Variants in MKLN1 observed in about 807,000 individuals in gnomAD.
The protein encoded by MKLN1 is muskelin.
A neutral mutation model predicts 99.0 loss-of-function variants in MKLN1; 18 were observed. The ratio of observed to expected loss-of-function variants is 0.18; its 90% CI spans 0.13 to 0.27. The LOEUF (loss-of-function observed/expected upper bound fraction) is 0.27. Ranked by LOEUF, MKLN1 falls within the 10% of genes least tolerant of loss-of-function variation. MKLN1 has a pLI of 1.00. For synonymous variants in MKLN1, 288 were observed against 293.2 expected, an observed-to-expected ratio of 0.98 and a Z score of 0.18; for missense variants, 621 against 875.9, an observed-to-expected ratio of 0.71 and a Z score of 3.67.
chr7:131,243,735 C>T (rs1797442297), intron 3 of MKLN1, among the ~76,000 whole-genome samples: 1 of 152,050 alleles, frequency 6.6e-6, no homozygotes, highest in African/African-American at 2.4e-5. Context: ...TATGTCAGGC[C>T]CTGCGAGGTA....
At chr7:131,304,093 A>T (rs992477358) in intron 3 of MKLN1, among the ~76,000 whole-genome samples, 1 of 152,174 alleles carries the variant, frequency 6.6e-6, no homozygotes, top group African/African-American at 2.4e-5. Flanking sequence ...CATTAGGAAG[A>T]CCAGGCACAG....
chr7:131,246,006 T>G (rs764169167), intron 3 of MKLN1, among the ~76,000 whole-genome samples: 1 of 152,218 alleles, frequency 6.6e-6, no homozygotes, highest in Non-Finnish European at 1.5e-5. Flanking sequence ...CCAGGTGCCC[T>G]AGGGCCGCAC....
At chr7:131,148,863 G>A (rs1278257860) in intron 2 of MKLN1, among the ~76,000 whole-genome samples, 2 of 152,208 alleles carry the variant, frequency 1.3e-5, no homozygotes, top group Admixed American at 6.5e-5. Context: ...GCGAATCTGA[G>A]AAAGAATTGG....
intron 2 of MKLN1, among the ~76,000 whole-genome samples, chr7:131,168,988 C>G (rs370524256): frequency 5.3e-5 from 8 of 152,072 alleles, no homozygotes; most frequent in East Asian, 3.9e-4. Flanking sequence ...GTGCCTTAAC[C>G]TCCCCAGTAG....
chr7:131,205,536 G>T (rs1345275058), intron 3 of MKLN1, among the ~76,000 whole-genome samples: 1 of 152,134 alleles, frequency 6.6e-6, no homozygotes, highest in Non-Finnish European at 1.5e-5. Context: ...AGGTTTTGCA[G>T]TTCTATAGGT....
At chr7:131,450,693 C>G (rs1036984205) in intron 12 of MKLN1, among the ~76,000 whole-genome samples, 1 of 152,212 alleles carries the variant, frequency 6.6e-6, no homozygotes, top group South Asian at 2.1e-4. Context: ...ACCTGAATCA[C>G]TTTCCTCTCC....
At chr7:131,223,881 C>G (rs988295682) in intron 3 of MKLN1, among the ~76,000 whole-genome samples, 2 of 152,122 alleles carry the variant, frequency 1.3e-5, no homozygotes, top group Non-Finnish European at 2.9e-5. Flanking sequence ...ATTCTCCTGA[C>G]TCAGCCTCCT....
intron 1 of MKLN1, among the ~76,000 whole-genome samples, chr7:131,129,844 G>A (rs1563224901): frequency 6.6e-6 from 1 of 152,164 alleles, no homozygotes. Context: ...CCAAAGTGCT[G>A]AGATTACAGG....
At chr7:131,352,570 T>G (rs958679667) in intron 1 of MKLN1, among the ~76,000 whole-genome samples, 3 of 152,166 alleles carry the variant, frequency 2.0e-5, no homozygotes, top group African/African-American at 7.2e-5. Flanking sequence ...ATATAATTGC[T>G]TTGGGCCCTA....
At chr7:131,199,890 G>T (rs1343377743) in intron 2 of MKLN1, among the ~76,000 whole-genome samples, 1 of 152,046 alleles carries the variant, frequency 6.6e-6, no homozygotes, top group Non-Finnish European at 1.5e-5. Context: ...AGGAGACGGG[G>T]CTTTGCTGTG....
intron 15 of MKLN1, among the ~76,000 whole-genome samples, chr7:131,470,152 C>T (rs1050500532): frequency 6.6e-6 from 1 of 152,294 alleles, no homozygotes; most frequent in Middle Eastern, 3.4e-3. Flanking sequence ...CAGGCATGAG[C>T]CACAGCACCC....
chr7:131,310,674 A>G (rs1321604479), intron 3 of MKLN1: 1 of 152,232 alleles, frequency 6.6e-6, no homozygotes, highest in African/African-American at 2.4e-5. Flanking sequence ...AATTGCCTCT[A>G]TAGAGTCAAC....
intron 2 of MKLN1, among the ~76,000 whole-genome samples, chr7:131,184,822 G>A (rs1187343677): frequency 2.0e-5 from 3 of 152,236 alleles, no homozygotes; most frequent in South Asian, 2.1e-4. Flanking sequence ...CACCATGCCC[G>A]GCCAGCAATA....
rs188864994 is a variant in MKLN1, at chr7:131,354,915, A to T, written c.99-20509A>T. Among the ~76,000 whole-genome samples, 171 of 152,146 alleles carry T rather than the reference A, an allele frequency of 1.1e-3. 4 individuals carry two copies. Among genetic ancestry groups the T allele is most frequent in the Admixed American group, 0.011 (163 of 15,264 alleles). On this transcript the variant is annotated intron_variant, in intron 1 of 17. Transcript: ENST00000352689. ...TATGATGCTATCTTGATCATTTATT[A>T]AATTTTATGTGCTTTGTTCTATTTA...
At chr7:131,327,741 A>G, upstream of MKLN1, 1 of 1,320,672 alleles carries the variant, frequency 7.6e-7, no homozygotes, top group Non-Finnish European at 1.0e-6. Context: ...GGAAACCCTG[A>G]GATAGGACAT....
chr7:131,296,295 G>T (rs1798290457), intron 3 of MKLN1, among the ~76,000 whole-genome samples: 1 of 152,152 alleles, frequency 6.6e-6, no homozygotes, highest in Non-Finnish European at 1.5e-5. Flanking sequence ...CCCATCCAAT[G>T]ATTAAAACAT....
chr7:131,352,268 A>G (rs1446146864), intron 1 of MKLN1, among the ~76,000 whole-genome samples: 1 of 152,112 alleles, frequency 6.6e-6, no homozygotes, highest in Non-Finnish European at 1.5e-5. Context: ...ACATGACCCC[A>G]TTCTTTATTT....
chr7:131,205,603 A>G (rs1413336275), intron 3 of MKLN1, among the ~76,000 whole-genome samples: 1 of 152,080 alleles, frequency 6.6e-6, no homozygotes, highest in African/African-American at 2.4e-5. Flanking sequence ...TGAGTCAGAA[A>G]TCAAGGTATT....
intron 7 of MKLN1, among the ~76,000 whole-genome samples, chr7:131,413,853 G>A (rs1158870176): frequency 6.6e-6 from 1 of 152,040 alleles, no homozygotes; most frequent in Non-Finnish European, 1.5e-5. Flanking sequence ...CTTTATTTAT[G>A]TAAGATTTGG....
Sources: allele counts gnomAD v4.1 joint callset (sites outside exome capture counted in the v4.1 genomes callset), GRCh38; gene constraint gnomAD v4.1.1; transcripts MANE v1.5; gene names NCBI Gene and HGNC (gene_info 2026-07-23, HGNC 2026-07-21).